The following OR6N2 variants were observed in gnomAD, a reference collection of about 807,000 sequenced individuals.
OR6N2 encodes the protein olfactory receptor family 6 subfamily N member 2.
For missense variants in OR6N2, 399 were observed against 379.7 expected (o/e 1.05, Z -0.42); for synonymous variants, 160 against 138.3 (o/e 1.16, Z -1.10).
rs891704601 is a variant in OR6N2 at position 158,776,611 on chromosome 1, G to C, written c.*71C>G. The C allele has an allele frequency of 2.4e-6, 2 of 816,402 alleles. No individual in the cohort carries two copies. The highest frequency in any genetic ancestry group is 3.4e-5 in the African/African-American group (2 of 58,508). 50.6% of individuals were successfully genotyped at this position (816,402 alleles called of 1,614,324 possible). A position where few individuals can be genotyped will look rare whatever the true frequency, so the allele number is the denominator to read the frequency against. On this transcript the variant is annotated 3_prime_UTR_variant, in exon 2 of 2. Transcript: ENST00000641131. ...AGGAAATGAAATTCAGAGCATGTGTGATGATGGGAAGATTACTCAAGGAAC... is the reference window on the plus strand; with the variant it reads ...AGGAAATGAAATTCAGAGCATGTGTCATGATGGGAAGATTACTCAAGGAAC...
Position 158,777,069 on chromosome 1 carries a change from G to A in OR6N2, c.567C>T (p.Cys189=). Residue 189 remains cysteine, a synonymous_variant, in exon 2 of 2, where the codon TGC becomes TGT. Transcript: ENST00000641131. ...CDFPPLLSLA[C]KDTSANILVD... is the part of the protein sequence containing the mutation. Reference sequence around the variant, plus strand: ...CCAGAATGTTAGCAGATGTGTCCTTGCAGGCCAAGCTCAGCAAAGGTGGAA... The same window carrying A: ...CCAGAATGTTAGCAGATGTGTCCTTACAGGCCAAGCTCAGCAAAGGTGGAA... 3 of 1,614,120 alleles carry A rather than the reference G, an allele frequency of 1.9e-6. No homozygotes were observed. Among genetic ancestry groups the A allele is most frequent in the Admixed American group, 3.3e-5 (2 of 60,018 alleles).
rs1246784675 is a variant in OR6N2 at position 158,777,082 on chromosome 1, A to G, written c.554T>C (p.Leu185Pro). The change falls in exon 2 of 2, where the codon CTG (leucine) becomes CCG (proline). Residue 185 changes from leucine to proline, a missense_variant. Transcript: ENST00000641131. ...AGATGTGTCCTTGCAGGCCAAGCTC[A>G]GCAAAGGTGGAAAGTCACAGAAAAT... is the stretch of plus-strand genomic sequence containing the variant. Reference protein sequence around the residue: ...QHIFCDFPPLLSLACKDTSAN... With the variant: ...QHIFCDFPPLPSLACKDTSAN... 1 of 1,613,882 alleles carries G rather than the reference A, an allele frequency of 6.2e-7. No individual in the cohort carries two copies. The highest frequency in any genetic ancestry group is 8.5e-7 in the Non-Finnish European group (1 of 1,179,866).
chr1:158,779,773 C>A (rs1158778919), intron 1 of OR6N2, among the ~76,000 whole-genome samples: 1 of 152,156 alleles, frequency 6.6e-6, no homozygotes, highest in Non-Finnish European at 1.5e-5. Context: ...AAAATGAGAT[C>A]AAATCTTAAC....
At position 158,776,466 on chromosome 1, in the gene OR6N2, A is replaced by C. The variant is rs937265275; in HGVS notation, c.*216T>G. ...AAATATACATGCTTTTTTTTAAAAAAAGAAGTATGTAGATACTAAAATATT... is the reference window on the plus strand; with the variant it reads ...AAATATACATGCTTTTTTTTAAAAACAGAAGTATGTAGATACTAAAATATT... On this transcript the variant is annotated 3_prime_UTR_variant, in exon 2 of 2. Transcript: ENST00000641131. The C allele has an allele frequency of 2.5e-6, 1 of 399,680 alleles. No homozygotes were observed. The highest frequency in any genetic ancestry group is 2.1e-5 in the African/African-American group (1 of 48,312). The allele number at this position is 399,680 out of a possible 1,614,324, so 24.8% of individuals were successfully genotyped here. A position where few individuals can be genotyped will look rare whatever the true frequency, so the allele number is the denominator to read the frequency against.
chr1:158,776,655 G>A lies in OR6N2; in HGVS notation c.*27C>T, dbSNP rs1558035406. The A allele has an allele frequency of 7.4e-7, 1 of 1,347,236 alleles. No homozygotes were observed. Among genetic ancestry groups the A allele is most frequent in the East Asian group, 2.3e-5 (1 of 43,350 alleles). The allele number at this position is 1,347,236 out of a possible 1,614,324, so 83.5% of individuals were successfully genotyped here. A position where few individuals can be genotyped will look rare whatever the true frequency, so the allele number is the denominator to read the frequency against. The stretch of plus-strand genomic sequence containing the variant: ...AAGGAACTTTTATGAATTGAACATT[G>A]AGGTGAGAAAGGACATGGGAAGAAA... On this transcript the variant is annotated 3_prime_UTR_variant, in exon 2 of 2. Coordinates refer to ENST00000641131, the MANE Select transcript of OR6N2 (RefSeq NM_001005278.2).
Position 158,775,330 on chromosome 1 carries a change from G to A in OR6N2, c.*1352C>T, listed in dbSNP as rs181408331. On this transcript the variant is annotated 3_prime_UTR_variant, in exon 2 of 2. Coordinates refer to ENST00000641131, the MANE Select transcript of OR6N2 (RefSeq NM_001005278.2). ...CCAAATGAAATGTTGGGGAAAAAAC[G>A]GAGTGAAGATCCTGAAGCCAGAAAA... The A allele has an allele frequency of 4.5e-4, 69 of 152,250 alleles. No individual in the cohort carries two copies. The highest frequency in any genetic ancestry group is 1.3e-3 in the African/African-American group (55 of 41,544). The allele number at this position is 152,250 out of a possible 1,614,324, so 9.4% of individuals were successfully genotyped here.
chr1:158,777,407 T>G lies in OR6N2; in HGVS notation c.229A>C (p.Thr77Pro). Reference sequence around the variant, plus strand: ...ATATTAGACAACATCTTAGGGATAGTGGTAGCTGTATACCACAACTCCAAG... The same window carrying G: ...ATATTAGACAACATCTTAGGGATAGGGGTAGCTGTATACCACAACTCCAAG... ...SFLELWYTAT[T>P]IPKMLSNILS... Residue 77 changes from threonine (T) to proline (P), a missense_variant, in exon 2 of 2, where the codon ACT (threonine) becomes CCT (proline). Thr to Pro is a conservative substitution (Grantham distance 38). Transcript: ENST00000641131. The G allele has an allele frequency of 6.2e-7, 1 of 1,614,166 alleles. No homozygotes were observed. The highest frequency in any genetic ancestry group is 8.5e-7 in the Non-Finnish European group (1 of 1,179,990).
At chr1:158,777,877 A>G (rs567079339) in intron 1 of OR6N2, among the ~76,000 whole-genome samples, 1 of 152,204 alleles carries the variant, frequency 6.6e-6, no homozygotes, top group East Asian at 1.9e-4. Flanking sequence ...TTTATACTTC[A>G]ATGAGATAAG....
In OR6N2 at chr1:158,776,854, C is replaced by T. The variant is rs141853976; in HGVS notation, c.782G>A (p.Arg261Gln). 29 of 1,614,082 alleles carry T rather than the reference C, an allele frequency of 1.8e-5. No homozygotes were observed. Among genetic ancestry groups the T allele is most frequent in the Admixed American group, 5.0e-5 (3 of 60,000 alleles). ...FFGSIIFMYV[R>Q]LKKSYSLTLD... is the part of the protein sequence containing the mutation. The stretch of plus-strand genomic sequence containing the variant: ...GGTCAGGGAATAGCTCTTCTTTAGC[C>T]GCACATACATGAAGATGATGCTCCC... The change falls in exon 2 of 2, where the codon CGG (arginine) becomes CAG (glutamine). Residue 261 changes from arginine to glutamine, a missense_variant. Arg to Gln is a conservative substitution (Grantham distance 43). Coordinates refer to ENST00000641131, the MANE Select transcript of OR6N2 (RefSeq NM_001005278.2).
At chr1:158,779,018 C>CAAAA (rs10680954) in intron 1 of OR6N2, among the ~76,000 whole-genome samples, 1 of 86,384 alleles carries the variant, frequency 1.2e-5, no homozygotes, top group African/African-American at 5.5e-5. Context: ...GACTGCGTCT[C>CAAAA]AAAAAAAAAA....
At chr1:158,778,505 G>A (rs1657666097) in intron 1 of OR6N2, among the ~76,000 whole-genome samples, 1 of 152,208 alleles carries the variant, frequency 6.6e-6, no homozygotes, top group South Asian at 2.1e-4. Flanking sequence ...TAACCAAACT[G>A]GGAAAGCTCA....
Position 158,777,390 on chromosome 1 carries a change from C to T in OR6N2, c.246G>A (p.Leu82=), listed in dbSNP as rs771605007. The T allele has an allele frequency of 1.2e-5, 19 of 1,614,132 alleles. No homozygotes were observed. The highest frequency in any genetic ancestry group is 1.1e-4 in the South Asian group (10 of 91,078). Residue 82 remains leucine, a synonymous_variant, in exon 2 of 2, where the codon TTG becomes TTA. Coordinates refer to ENST00000641131, the MANE Select transcript of OR6N2 (RefSeq NM_001005278.2). ...WYTATTIPKM[L]SNILSEKKTI... ...TTTTCTTCTCACTGAGAATATTAGA[C>T]AACATCTTAGGGATAGTGGTAGCTG...
At chr1:158,777,783 T>G in intron 1 of OR6N2, 142 bp from the exon 2 acceptor site, 1 of 592,806 alleles carries the variant, frequency 1.7e-6, no homozygotes, top group Admixed American at 3.1e-5. Context: ...TTACTATTAC[T>G]GTAAAAATAT....
At position 158,776,699 on chromosome 1, in the gene OR6N2, T is replaced by G; in HGVS notation, c.937A>C (p.Ser313Arg). The G allele has an allele frequency of 6.2e-7, 1 of 1,603,876 alleles. No homozygotes were observed. The highest frequency in any genetic ancestry group is 8.5e-7 in the Non-Finnish European group (1 of 1,173,004). ...GAAGAAAGTCAAAGATGAGCAAGAC[T>G]AGCTTTATCTCCCTTCTGGAAGATG... is the stretch of plus-strand genomic sequence containing the variant. ...RTIFQKGDKA[S>R]LAHL Residue 313 changes from serine (S) to arginine (R), a missense_variant, in exon 2 of 2, where the codon AGT becomes CGT. Physicochemically the swap from Ser to Arg is moderately radical, Grantham distance 110 (BLOSUM62 -1). Coordinates refer to ENST00000641131, the MANE Select transcript of OR6N2 (RefSeq NM_001005278.2).
At position 158,777,267 on chromosome 1, in the gene OR6N2, G is replaced by T; in HGVS notation, c.369C>A (p.Tyr123Ter). 1 of 1,614,044 alleles carries T rather than the reference G, an allele frequency of 6.2e-7. No individual in the cohort carries two copies. The highest frequency in any genetic ancestry group is 8.5e-7 in the Non-Finnish European group (1 of 1,179,940). The change falls in exon 2 of 2, where the codon TAC becomes TAA. Residue 123 changes from tyrosine (Y) to a stop codon, truncating the protein, a stop_gained. Transcript: ENST00000641131. LOFTEE classifies it low-confidence loss of function (END_TRUNC). ...AGTGGAGGGGCCGACAAATGGCCAG[G>T]TATCTATCATAGGCCATGGCTGTAA... ...YLLTAMAYDR[Y>*]LAICRPLHYP...
Position 158,777,183 on chromosome 1 carries a change from A to G in OR6N2, c.453T>C (p.Cys151=). ...CAKMAAACWT[C]GFLCPISEVI... Reference sequence around the variant, plus strand: ...CCTCAGAAATGGGACACAGGAAGCCACAAGTCCAACAAGCAGCAGCCATCT... The same window carrying G: ...CCTCAGAAATGGGACACAGGAAGCCGCAAGTCCAACAAGCAGCAGCCATCT... Residue 151 remains cysteine, a synonymous_variant, in exon 2 of 2, where the codon TGT becomes TGC. Coordinates refer to ENST00000641131, the MANE Select transcript of OR6N2 (RefSeq NM_001005278.2). 2 of 1,614,154 alleles carry G rather than the reference A, an allele frequency of 1.2e-6. No homozygotes were observed. The highest frequency in any genetic ancestry group is 1.6e-4 in the Middle Eastern group (1 of 6,062).
chr1:158,776,889 G>A lies in OR6N2; in HGVS notation c.747C>T (p.Leu249=), dbSNP rs901674091. The part of the protein sequence containing the change: ...STCASHLAVV[L]IFFGSIIFMY... The stretch of plus-strand genomic sequence containing the variant: ...TGAAGATGATGCTCCCAAAGAAGAT[G>A]AGGACCACAGCAAGATGTGAGGCAC... The change falls in exon 2 of 2, where the codon CTC becomes CTT. Residue 249 remains leucine, a synonymous_variant. Coordinates refer to ENST00000641131, the MANE Select transcript of OR6N2 (RefSeq NM_001005278.2). 1 of 1,614,150 alleles carries A rather than the reference G, an allele frequency of 6.2e-7. No individual in the cohort carries two copies. The highest frequency in any genetic ancestry group is 8.5e-7 in the Non-Finnish European group (1 of 1,180,004).
Position 158,775,968 on chromosome 1 carries a change from A to T in OR6N2, c.*714T>A, listed in dbSNP as rs1657582768. 1 of 152,202 alleles carries T rather than the reference A, an allele frequency of 6.6e-6. No individual in the cohort carries two copies. The highest frequency in any genetic ancestry group is 1.5e-5 in the Non-Finnish European group (1 of 68,032). The allele number at this position is 152,202 out of a possible 1,614,324, so 9.4% of individuals were successfully genotyped here. On this transcript the variant is annotated 3_prime_UTR_variant, in exon 2 of 2. Transcript: ENST00000641131. The stretch of plus-strand genomic sequence containing the variant: ...GTAGGAAGTTGAATATATAAATCTA[A>T]ATCTCAGAGAAAAATTGTGGTTTGG...
Position 158,777,640 on chromosome 1 carries a change from G to A in OR6N2, c.-5C>T. ...TGAATGGTTGTATTGATCCATGGGA[G>A]GCTGAGGTAAAGAAGGAAAGAAGAA... is the stretch of plus-strand genomic sequence containing the variant. On this transcript the variant is annotated splice_region_variant and 5_prime_UTR_variant, in exon 2 of 2. Coordinates refer to ENST00000641131, the MANE Select transcript of OR6N2 (RefSeq NM_001005278.2). The A allele has an allele frequency of 6.3e-7, 1 of 1,584,898 alleles. No homozygotes were observed. Among genetic ancestry groups the A allele is most frequent in the Non-Finnish European group, 8.6e-7 (1 of 1,158,568 alleles).
Sources: gnomAD v4.1 joint callset for allele counts (sites outside exome capture counted in the v4.1 genomes callset) on GRCh38, gnomAD v4.1.1 for gene constraint, MANE v1.5 for transcripts, NCBI Gene and HGNC (gene_info 2026-07-23, HGNC 2026-07-21) for gene names.